SEMA3A: variants seen among roughly 807,000 people sequenced by gnomAD.
The protein encoded by SEMA3A is semaphorin 3A.
SEMA3A carries 29 observed loss-of-function variants against 97.9 expected under a neutral mutation model. The observed-to-expected ratio is 0.30, with a 90% CI of 0.22 to 0.40. The LOEUF is 0.40. Among genes scored for constraint, SEMA3A ranks in the 10% least tolerant of loss-of-function variants. The probability of loss-of-function intolerance (pLI) is 1.00; values close to 1 mark genes in which losing one functional copy is unlikely to be tolerated. For missense variants in SEMA3A, 763 were observed against 951.3 expected (o/e 0.80, Z 2.60); for synonymous variants, 321 against 323.7 (o/e 0.99, Z 0.09).
chr7:83,996,753 T>C (rs1003045428), intron 12 of SEMA3A, among the ~76,000 whole-genome samples: 11 of 152,210 alleles, frequency 7.2e-5, no homozygotes, highest in South Asian at 2.1e-4. Context: ...AGGTTTATGA[T>C]TGCAAATCAT....
intron 1 of SEMA3A, among the ~76,000 whole-genome samples, chr7:84,445,516 A>AAAAAAAAAAAAAAAAAAG (rs1805391070): frequency 1.6e-5 from 2 of 123,750 alleles, no homozygotes; most frequent in East Asian, 2.7e-4. Context: ...AAAAAAAAAA[A>AAAAAAAAAAAAAAAAAAG]AAAAGAAAAG....
At chr7:83,984,480 T>G (rs1190060188) in intron 13 of SEMA3A, among the ~76,000 whole-genome samples, 6 of 152,098 alleles carry the variant, frequency 3.9e-5, no homozygotes, top group Admixed American at 3.3e-4. Context: ...GGATAAAGCA[T>G]GGTCAGAGAT....
At chr7:84,463,829 A>T (rs1410169620) in intron 1 of SEMA3A, among the ~76,000 whole-genome samples, 1 of 152,070 alleles carries the variant, frequency 6.6e-6, no homozygotes, top group Non-Finnish European at 1.5e-5. Context: ...CCCATAAAAC[A>T]TATAACTTTA....
intron 2 of SEMA3A, among the ~76,000 whole-genome samples, chr7:84,316,947 C>G (rs1219177042): frequency 6.6e-6 from 1 of 152,094 alleles, no homozygotes; most frequent in African/African-American, 2.4e-5. Flanking sequence ...GTACGCCCAG[C>G]ACAAAGCTTG....
At chr7:84,448,247 C>T (rs1451959791) in intron 1 of SEMA3A, among the ~76,000 whole-genome samples, 5 of 152,178 alleles carry the variant, frequency 3.3e-5, no homozygotes, top group Non-Finnish European at 5.9e-5. Context: ...GGCGAAGTGA[C>T]ACCCCAATTA....
At chr7:84,366,976 C>T (rs1367027088) in intron 2 of SEMA3A, among the ~76,000 whole-genome samples, 3 of 149,942 alleles carry the variant, frequency 2.0e-5, no homozygotes, top group Admixed American at 6.7e-5. Flanking sequence ...ACTAAAATGC[C>T]TTTAATCTTA....
At chr7:83,980,641 C>T (rs56134828) in intron 14 of SEMA3A, among the ~76,000 whole-genome samples, 27,912 of 95,684 alleles carry the variant, frequency 0.29, 3,893 homozygotes, top group Middle Eastern at 0.36. Context: ...TATATATATA[C>T]ACACACACAC....
At chr7:84,195,707 G>C (rs1046803640), upstream of SEMA3A, among the ~76,000 whole-genome samples, 1 of 152,124 alleles carries the variant, frequency 6.6e-6, no homozygotes, top group Non-Finnish European at 1.5e-5. Flanking sequence ...TGGTTTTCCA[G>C]CTTCTGGAAT....
In SEMA3A at chr7:84,021,823, G is replaced by T. The variant is rs551756779; in HGVS notation, c.668-7472C>A. ...AAGGAATTACATTTTCTTGTTTTTT[G>T]GCATGGTTTACAAGTTTTTTGGATG... On this transcript the variant is annotated intron_variant, in intron 6 of 16. Coordinates refer to ENST00000265362, the MANE Select transcript of SEMA3A (RefSeq NM_006080.3). Among the ~76,000 whole-genome samples, 3 of 152,132 alleles carry T rather than the reference G, an allele frequency of 2.0e-5. No individual in the cohort carries two copies. In the East Asian group the frequency reaches 5.8e-4, roughly 29 times the overall value.
intron 3 of SEMA3A, among the ~76,000 whole-genome samples, chr7:84,116,068 G>A (rs933932228): frequency 6.6e-6 from 1 of 152,078 alleles, no homozygotes; most frequent in Non-Finnish European, 1.5e-5. Flanking sequence ...CAGAAAAACT[G>A]AGCCCATATT....
intron 3 of SEMA3A, among the ~76,000 whole-genome samples, chr7:84,125,493 A>C (rs1363351120): frequency 6.6e-6 from 1 of 152,364 alleles, no homozygotes; most frequent in Non-Finnish European, 1.5e-5. Flanking sequence ...TGTCTCTACT[A>C]AAAATACACA....
intron 1 of SEMA3A, among the ~76,000 whole-genome samples, chr7:84,422,284 G>C (rs1462610204): frequency 1.3e-5 from 2 of 151,860 alleles, no homozygotes; most frequent in Non-Finnish European, 2.9e-5. Flanking sequence ...ATTTATTCTA[G>C]ATTTTCTAGT....
intron 15 of SEMA3A, among the ~76,000 whole-genome samples, chr7:83,963,705 G>A (rs565079472): frequency 6.6e-6 from 1 of 152,192 alleles, no homozygotes; most frequent in Non-Finnish European, 1.5e-5. Context: ...TGGACTAATA[G>A]GGCCAGTTTG....
chr7:84,232,158 ATT>A (rs1177711954), intron 3 of SEMA3A, among the ~76,000 whole-genome samples: 22 of 150,938 alleles, frequency 1.5e-4, no homozygotes, highest in Admixed American at 1.0e-3. Flanking sequence ...ATCTGTCAAA[ATT>A]CTCTTTAAGT....
chr7:83,980,603 CAAAAAA>C (rs749889921), intron 14 of SEMA3A, among the ~76,000 whole-genome samples: 1 of 53,970 alleles, frequency 1.9e-5, no homozygotes, highest in African/African-American at 7.2e-5. Context: ...GACTCCATCT[CAAAAAA>C]AAAAAAAAAA....
chr7:84,430,217 A>T (rs1036771814), intron 1 of SEMA3A, among the ~76,000 whole-genome samples: 1 of 152,004 alleles, frequency 6.6e-6, no homozygotes, highest in Non-Finnish European at 1.5e-5. Flanking sequence ...ACACATGTTC[A>T]GAATAAAACA....
At chr7:84,259,247 A>G (rs924054805) in intron 3 of SEMA3A, among the ~76,000 whole-genome samples, 1 of 152,208 alleles carries the variant, frequency 6.6e-6, no homozygotes, top group Admixed American at 6.5e-5. Flanking sequence ...TTTTTCAATT[A>G]ATTCTATGCA....
rs962012981 is a variant in SEMA3A, at chr7:84,188,895, T to G, written c.112+5580A>C. On this transcript the variant is annotated intron_variant, in intron 1 of 16. Coordinates refer to ENST00000265362, the MANE Select transcript of SEMA3A (RefSeq NM_006080.3). ...TTCATTTTAAGTAATTCTTCTGTTT[T>G]GTGAATGTTAAATTTCATGACTATT... Among the ~76,000 whole-genome samples, 7 of 151,934 alleles carry G rather than the reference T, an allele frequency of 4.6e-5. No individual in the cohort carries two copies. The South Asian group carries it at 1.2e-3, about 27-fold the overall frequency.
chr7:84,437,756 T>C (rs1373236335), intron 1 of SEMA3A, among the ~76,000 whole-genome samples: 1 of 151,888 alleles, frequency 6.6e-6, no homozygotes, highest in Non-Finnish European at 1.5e-5. Context: ...TGAATGCAAA[T>C]ATTTAATAGA....
Sources: gnomAD v4.1 joint callset for allele counts (sites outside exome capture counted in the v4.1 genomes callset) on GRCh38, gnomAD v4.1.1 for gene constraint, MANE v1.5 for transcripts, NCBI Gene and HGNC (gene_info 2026-07-23, HGNC 2026-07-21) for gene names.